SNAP25: variants seen among roughly 807,000 people sequenced by gnomAD.
The protein encoded by SNAP25 is synaptosome associated protein 25.
A neutral mutation model predicts 28.7 loss-of-function variants in SNAP25; 3 were observed. The observed-to-expected ratio is 0.10, with a 90% CI of 0.05 to 0.27. The LOEUF (loss-of-function observed/expected upper bound fraction) is 0.27, where lower values mean the gene tolerates loss of function less well. Ranked by LOEUF, SNAP25 falls within the 10% of genes least tolerant of loss-of-function variation. The pLI, the probability that SNAP25 is intolerant of heterozygous loss-of-function variation, is 1.00. For missense variants in SNAP25, 117 were observed against 278.7 expected, an observed-to-expected ratio of 0.42 and a Z score of 4.13; for synonymous variants, 61 against 88.1, an observed-to-expected ratio of 0.69 and a Z score of 1.72.
At chr20:10,234,658 G>A (rs2062885505) in intron 1 of SNAP25, among the ~76,000 whole-genome samples, 1 of 152,072 alleles carries the variant, frequency 6.6e-6, no homozygotes, top group Non-Finnish European at 1.5e-5. Flanking sequence ...AAGTTTCTTG[G>A]GTTATTTTAC....
chr20:10,225,013 C>G (rs2062709673), intron 1 of SNAP25, among the ~76,000 whole-genome samples: 1 of 151,964 alleles, frequency 6.6e-6, no homozygotes, highest in Admixed American at 6.6e-5. Flanking sequence ...AAGTAACATT[C>G]CTGTGTGACC....
rs147833598 is a variant in SNAP25, at chr20:10,267,840, G to A, written c.-63-7589G>A. 5.3e-3 allele frequency among the ~76,000 whole-genome samples: 805 copies of A among 152,292 alleles called. 5 individuals are homozygous for A. The highest frequency in any genetic ancestry group is 0.016 in the African/African-American group (658 of 41,560). Reference sequence around the variant, plus strand: ...GCTGGGATTATAGGCATAAGCCACCGTGCCCGGCCAATAGTCTCCAGTTTT... The same window carrying A: ...GCTGGGATTATAGGCATAAGCCACCATGCCCGGCCAATAGTCTCCAGTTTT... On this transcript the variant is annotated intron_variant, in intron 1 of 7. Coordinates refer to ENST00000254976, the MANE Select transcript of SNAP25 (RefSeq NM_130811.4).
At chr20:10,260,718 C>CACAA (rs1555789706) in intron 1 of SNAP25, among the ~76,000 whole-genome samples, 29 of 114,104 alleles carry the variant, frequency 2.5e-4, no homozygotes, top group African/African-American at 8.1e-4. Context: ...CACACACACA[C>CACAA]ACACAAACAC....
chr20:10,272,485 G>C (rs535034997), intron 1 of SNAP25, among the ~76,000 whole-genome samples: 1 of 152,062 alleles, frequency 6.6e-6, no homozygotes, highest in Non-Finnish European at 1.5e-5. Flanking sequence ...GTAGATCCCC[G>C]GTCACTTGGG....
chr20:10,272,474 G>A (rs1239321056), intron 1 of SNAP25, among the ~76,000 whole-genome samples: 6 of 152,184 alleles, frequency 3.9e-5, no homozygotes, highest in African/African-American at 1.2e-4. Flanking sequence ...TATTCTGGAG[G>A]GTAGATCCCC....
At chr20:10,295,469 TG>T (rs1345224312) in intron 5 of SNAP25, among the ~76,000 whole-genome samples, 1 of 152,226 alleles carries the variant, frequency 6.6e-6, no homozygotes, top group Non-Finnish European at 1.5e-5. Flanking sequence ...TTTCATTGAA[TG>T]GGTCCATGGC....
intron 1 of SNAP25, among the ~76,000 whole-genome samples, chr20:10,247,696 T>C (rs1371309563): frequency 2.6e-5 from 4 of 152,106 alleles, no homozygotes; most frequent in African/African-American, 9.7e-5. Flanking sequence ...CTAAAACTCC[T>C]AACATGAAAG....
intron 1 of SNAP25, among the ~76,000 whole-genome samples, chr20:10,252,369 T>C (rs1355227421): frequency 6.6e-6 from 1 of 152,098 alleles, no homozygotes; most frequent in Non-Finnish European, 1.5e-5. Flanking sequence ...CTCCAGGCCA[T>C]ACAACTACAA....
chr20:10,296,723 T>A, intron 5 of SNAP25: 1 of 626,704 alleles, frequency 1.6e-6, no homozygotes, highest in South Asian at 2.2e-5. Flanking sequence ...TTGCAATGGA[T>A]TCGATTGGAA....
At chr20:10,269,785 A>T (rs2063561104) in intron 1 of SNAP25, among the ~76,000 whole-genome samples, 1 of 152,240 alleles carries the variant, frequency 6.6e-6, no homozygotes, top group Admixed American at 6.5e-5. Context: ...TGAATTTCAT[A>T]TAATTTTCAC....
Position 10,293,342 on chromosome 20 carries a change from C to A in SNAP25, c.281+64C>A. The A allele has an allele frequency of 7.9e-7, 1 of 1,258,276 alleles. No homozygotes were observed. The highest frequency in any genetic ancestry group is 1.2e-6 in the Non-Finnish European group (1 of 858,862). 77.9% of individuals were successfully genotyped at this position (1,258,276 alleles called of 1,614,324 possible). On this transcript the variant is annotated intron_variant, in intron 5 of 7. Transcript: ENST00000254976. The surrounding 1 kb of genome is among the most constrained non-coding windows in gnomAD (Gnocchi z 5.6). The stretch of plus-strand genomic sequence containing the variant: ...AGGCCCATCTCCAAGCCTTGACAAG[C>A]TCATTCCTGCCAAGCTCATAGGCAG...
At chr20:10,256,408 A>AT (rs1418165409) in intron 1 of SNAP25, among the ~76,000 whole-genome samples, 2 of 152,220 alleles carry the variant, frequency 1.3e-5, no homozygotes, top group African/African-American at 4.8e-5. Flanking sequence ...TTCTTTCCGT[A>AT]TGTACACTAA....
At chr20:10,247,184 G>A (rs1162962382) in intron 1 of SNAP25, among the ~76,000 whole-genome samples, 1 of 152,172 alleles carries the variant, frequency 6.6e-6, no homozygotes, top group Non-Finnish European at 1.5e-5. Flanking sequence ...TAAAGGATTT[G>A]GGAAGCTGCA....
Position 10,267,014 on chromosome 20 carries a change from A to G in SNAP25, c.-63-8415A>G, listed in dbSNP as rs563895362. 2.0e-3 allele frequency among the ~76,000 whole-genome samples: 301 copies of G among 152,296 alleles called. 1 individual carries two copies. The highest frequency in any genetic ancestry group is 3.8e-3 in the Non-Finnish European group (260 of 68,020). ...CCATTGGCCATGTGTTAAGGCACAAAGGAAATCTCAACAAATTCCAAACAG... is the reference window on the plus strand; with the variant it reads ...CCATTGGCCATGTGTTAAGGCACAAGGGAAATCTCAACAAATTCCAAACAG... On this transcript the variant is annotated intron_variant, in intron 1 of 7. Coordinates refer to ENST00000254976, the MANE Select transcript of SNAP25 (RefSeq NM_130811.4).
chr20:10,303,284 A>C (rs1270145689), intron 7 of SNAP25, among the ~76,000 whole-genome samples: 2 of 152,178 alleles, frequency 1.3e-5, no homozygotes, highest in Admixed American at 1.3e-4. Context: ...ACCTGAGGTC[A>C]AAAATGTGAG....
intron 6 of SNAP25, 47 bp from the exon 7 acceptor site, chr20:10,299,221 T>C (rs769650564): frequency 3.7e-6 from 6 of 1,600,674 alleles, no homozygotes; most frequent in Non-Finnish European, 5.1e-6. Context: ...TGGTATTCAA[T>C]ATGTTTTCCA....
intron 4 of SNAP25, chr20:10,292,889 C>T (rs761621312): frequency 1.9e-6 from 3 of 1,603,386 alleles, no homozygotes; most frequent in East Asian, 2.2e-5. Context: ...CAGAACAACT[C>T]GATCGTGTCG....
At chr20:10,227,259 C>T (rs2062749367) in intron 1 of SNAP25, among the ~76,000 whole-genome samples, 1 of 152,072 alleles carries the variant, frequency 6.6e-6, no homozygotes, top group Admixed American at 6.6e-5. Context: ...TTGTAGTTAC[C>T]TACTTATGTA....
At chr20:10,287,066 AC>A (rs1214695503) in intron 4 of SNAP25, among the ~76,000 whole-genome samples, 1 of 152,084 alleles carries the variant, frequency 6.6e-6, no homozygotes, top group African/African-American at 2.4e-5. Flanking sequence ...ATACACTCAA[AC>A]CTAGGCATTA....
Sources: gnomAD v4.1 joint callset for allele counts (sites outside exome capture counted in the v4.1 genomes callset) on GRCh38, gnomAD v4.1.1 for gene constraint, Gnocchi (gnomAD v3.1) non-coding constraint, MANE v1.5 for transcripts, NCBI Gene and HGNC (gene_info 2026-07-23, HGNC 2026-07-21) for gene names.